The following RIMS2 variants were observed in gnomAD, a reference collection of about 807,000 sequenced individuals.
RIMS2 encodes regulating synaptic membrane exocytosis 2, also known as regulating synaptic membrane exocytosis protein 2.
RIMS2 carries 59 observed loss-of-function variants against 174.4 expected under a neutral mutation model. The ratio of observed to expected loss-of-function variants is 0.34; its 90% CI spans 0.27 to 0.42. The LOEUF is 0.42. RIMS2 is among the 10% of genes least tolerant of loss of function. The pLI, the probability that RIMS2 is intolerant of heterozygous loss-of-function variation, is 1.00. For synonymous variants in RIMS2, 606 were observed against 572.5 expected, an observed-to-expected ratio of 1.06 and a Z score of -0.84; for missense variants, 1,620 against 1,666.3, an observed-to-expected ratio of 0.97 and a Z score of 0.48.
chr8:103,657,189 A>C (rs1045236717), intron 1 of RIMS2, among the ~76,000 whole-genome samples: 1 of 152,176 alleles, frequency 6.6e-6, no homozygotes, highest in African/African-American at 2.4e-5. Context: ...GCCCAAGAGC[A>C]CAGGTTCACT....
intron 3 of RIMS2, among the ~76,000 whole-genome samples, chr8:103,850,010 T>C (rs189632550): frequency 6.6e-6 from 1 of 152,128 alleles, no homozygotes; most frequent in East Asian, 1.9e-4. Flanking sequence ...TTAAAGAGGA[T>C]GGACGTAGCA....
intron 14 of RIMS2, 101 bp downstream of exon 16, chr8:103,943,027 G>C: frequency 1.2e-6 from 1 of 840,162 alleles, no homozygotes; most frequent in Non-Finnish European, 1.8e-6. Context: ...AATATTAATA[G>C]TCATTTGTTA....
chr8:103,641,475 G>A (rs2096229120), intron 1 of RIMS2, among the ~76,000 whole-genome samples: 1 of 151,966 alleles, frequency 6.6e-6, no homozygotes, highest in African/African-American at 2.4e-5. Context: ...CATATTTCTT[G>A]TCTAACTGTA....
At chr8:103,940,152 A>G (rs567978883) in intron 13 of RIMS2, among the ~76,000 whole-genome samples, 150 of 152,124 alleles carry the variant, frequency 9.9e-4, no homozygotes, top group African/African-American at 3.5e-3. Flanking sequence ...GTTCGTTTTC[A>G]TGCTGCTGAT....
intron 1 of RIMS2, among the ~76,000 whole-genome samples, chr8:103,583,351 A>G (rs2093723038): frequency 6.6e-6 from 1 of 152,100 alleles, no homozygotes; most frequent in Admixed American, 6.5e-5. Flanking sequence ...ACTACCATAA[A>G]TTGTTATATC....
At chr8:103,636,498 TCTCC>T (rs1335602008) in intron 1 of RIMS2, among the ~76,000 whole-genome samples, 2 of 143,388 alleles carry the variant, frequency 1.4e-5, no homozygotes, top group Non-Finnish European at 3.1e-5. Flanking sequence ...AAACATGGTT[TCTCC>T]CCTGGGAAGG....
chr8:104,225,002 C>A (rs2511578), intron 19 of RIMS2, among the ~76,000 whole-genome samples: 28,469 of 152,078 alleles, frequency 0.19, 2,924 homozygotes, highest in Non-Finnish European at 0.23. Context: ...TTTGTTTGTA[C>A]GTTTACGTTT....
intron 19 of RIMS2, among the ~76,000 whole-genome samples, chr8:104,172,242 C>G (rs936391206): frequency 1.3e-5 from 2 of 152,060 alleles, no homozygotes; most frequent in Admixed American, 6.6e-5. Flanking sequence ...GCTGGAGGAG[C>G]TCTCAGTTAG....
At chr8:103,600,155 C>T (rs1372452847) in intron 1 of RIMS2, among the ~76,000 whole-genome samples, 1 of 152,184 alleles carries the variant, frequency 6.6e-6, no homozygotes, top group East Asian at 1.9e-4. Flanking sequence ...CAATGTTTGT[C>T]TTTCCGTGCC....
intron 1 of RIMS2, among the ~76,000 whole-genome samples, chr8:103,517,747 G>A (rs988892236): frequency 2.0e-5 from 3 of 152,132 alleles, no homozygotes; most frequent in East Asian, 3.9e-4. Flanking sequence ...AGTGGTTTTC[G>A]TGGTAACTGC....
chr8:103,766,430 T>C, exon 3 of RIMS2: 3 of 1,613,782 alleles, frequency 1.9e-6, no homozygotes, highest in African/African-American at 1.3e-5. Flanking sequence ...GTGACTTATC[T>C]GTACCTGCAG....
chr8:103,784,348 C>G (rs1475726901), intron 3 of RIMS2, among the ~76,000 whole-genome samples: 3 of 150,388 alleles, frequency 2.0e-5, no homozygotes, highest in Admixed American at 6.6e-5. Flanking sequence ...TTGCCCATGC[C>G]TATGTCCTGA....
chr8:103,857,839 A>C (rs1261968205), intron 3 of RIMS2, among the ~76,000 whole-genome samples: 2 of 152,200 alleles, frequency 1.3e-5, no homozygotes, highest in Admixed American at 1.3e-4. Flanking sequence ...TAGAAGCTGC[A>C]AAGCAAAAAG....
intron 19 of RIMS2, 31 bp from the exon 24 acceptor site, chr8:104,093,440 C>G: frequency 6.7e-7 from 1 of 1,496,826 alleles, no homozygotes; most frequent in Non-Finnish European, 9.0e-7. Context: ...ATACTGACAA[C>G]TTCTGCGTAT....
At chr8:103,513,999 A>G (rs1439914871) in intron 1 of RIMS2, among the ~76,000 whole-genome samples, 1 of 151,036 alleles carries the variant, frequency 6.6e-6, no homozygotes, top group African/African-American at 2.4e-5. Flanking sequence ...TTAACGTATC[A>G]GTGTTTCCCT....
intron 2 of RIMS2, among the ~76,000 whole-genome samples, chr8:103,760,345 G>T (rs141337670): frequency 1.3e-5 from 2 of 152,328 alleles, no homozygotes; most frequent in East Asian, 3.9e-4. Context: ...ATCAGATGAA[G>T]AAAATTTCTG....
At chr8:104,114,037 A>G (rs948326418) in intron 19 of RIMS2, among the ~76,000 whole-genome samples, 3 of 152,046 alleles carry the variant, frequency 2.0e-5, no homozygotes, top group Non-Finnish European at 4.4e-5. Context: ...TAAAATGAAT[A>G]CATTTAGATA....
chr8:104,182,788 T>C (rs2098947667), intron 19 of RIMS2, among the ~76,000 whole-genome samples: 1 of 151,874 alleles, frequency 6.6e-6, no homozygotes, highest in Admixed American at 6.6e-5. Flanking sequence ...GTTTTATAGG[T>C]GTGCATTTTC....
intron 19 of RIMS2, among the ~76,000 whole-genome samples, chr8:104,189,646 T>C (rs1189161196): frequency 6.7e-6 from 1 of 149,140 alleles, no homozygotes; most frequent in Non-Finnish European, 1.5e-5. Flanking sequence ...CAATTCTAAA[T>C]ATATATTCCA....
Sources: gnomAD v4.1 joint callset for allele counts (sites outside exome capture counted in the v4.1 genomes callset) on GRCh38, gnomAD v4.1.1 for gene constraint, MANE v1.5 for transcripts, NCBI Gene and HGNC (gene_info 2026-07-23, HGNC 2026-07-21) for gene names.